MTFP1: variants seen among roughly 807,000 people sequenced by gnomAD.
The protein encoded by MTFP1 is mitochondrial fission process 1.
In MTFP1, 19 loss-of-function variants were observed where a neutral mutation model predicts 17.1. The observed-to-expected ratio is 1.11, with a 90% CI of 0.77 to 1.63. The LOEUF (loss-of-function observed/expected upper bound fraction) is 1.63. Ranked by LOEUF, MTFP1 falls within the 40% of genes most tolerant of loss-of-function variation. MTFP1 has a pLI of 0.00. For synonymous variants in MTFP1, 89 were observed against 95.2 expected, an observed-to-expected ratio of 0.93 and a Z score of 0.38; for missense variants, 221 against 226.2, an observed-to-expected ratio of 0.98 and a Z score of 0.15.
intron 2 of MTFP1, 32 bp from the exon 3 acceptor site, chr22:30,427,139 C>T (rs1295028524): frequency 1.2e-6 from 2 of 1,609,744 alleles, no homozygotes; most frequent in South Asian, 2.2e-5. Context: ...TGCCTCTGCC[C>T]CAGCTGGATT....
intron 3 of MTFP1, among the ~76,000 whole-genome samples, chr22:30,428,223 T>C (rs2146059057): frequency 6.6e-6 from 1 of 152,292 alleles, no homozygotes; most frequent in East Asian, 1.9e-4. Context: ...TGAGCAAGTC[T>C]TTTACCCAGT....
intron 2 of MTFP1, 126 bp from the exon 3 acceptor site, chr22:30,427,045 T>C (rs1391496699): frequency 2.2e-6 from 3 of 1,352,094 alleles, no homozygotes; most frequent in Non-Finnish European, 3.2e-6. Flanking sequence ...TGTGGCAGAC[T>C]GTACCCCACT....
intron 2 of MTFP1, 114 bp from the exon 3 acceptor site, chr22:30,427,057 C>G (rs980208990): frequency 1.2e-5 from 16 of 1,381,912 alleles, no homozygotes; most frequent in Admixed American, 8.4e-5. Flanking sequence ...TACCCCACTC[C>G]TGGGTGCGGA....
Position 30,425,770 on chromosome 22 carries a change from T to G in MTFP1, c.-110T>G. 1 of 1,175,532 alleles carries G rather than the reference T, an allele frequency of 8.5e-7. No homozygotes were observed. Among genetic ancestry groups the G allele is most frequent in the Non-Finnish European group, 1.2e-6 (1 of 868,414 alleles). The allele number at this position is 1,175,532 out of a possible 1,614,324, so 72.8% of individuals were successfully genotyped here. ...TGGCGGAGATTTCCTGACCTGTCCT[T>G]CGGCGCGGGACTTTCGGCGGGTCCC... On this transcript the variant is annotated 5_prime_UTR_variant, in exon 1 of 4. Coordinates refer to ENST00000266263, the MANE Select transcript of MTFP1 (RefSeq NM_016498.5).
At chr22:30,427,553 G>A in intron 3 of MTFP1, 150 bp downstream of exon 3, 1 of 814,308 alleles carries the variant, frequency 1.2e-6, no homozygotes, top group South Asian at 1.6e-5. Flanking sequence ...TTGGCTCCTG[G>A]GTTAGAAAGG....
At position 30,427,339 on chromosome 22, in the gene MTFP1, C is replaced by T. The variant is rs533323588; in HGVS notation, c.364C>T (p.Arg122Cys). ...GTATRWPLAV[R>C]KWTTTALGLL... ...TGCCACCCGCTGGCCCCTGGCTGTC[C>T]GCAAGTGGACCACCACCGCGCTTGG... Residue 122 changes from arginine (R) to cysteine (C), a missense_variant, in exon 3 of 4, where the codon CGC becomes TGC. Physicochemically the swap from Arg to Cys is radical, Grantham distance 180. Coordinates refer to ENST00000266263, the MANE Select transcript of MTFP1 (RefSeq NM_016498.5). 1.9e-5 allele frequency: 31 copies of T among 1,614,006 alleles called. No individual in the cohort carries two copies. Among genetic ancestry groups the T allele is most frequent in the Non-Finnish European group, 2.3e-5 (27 of 1,180,046 alleles).
rs757274985 is a variant in MTFP1, at chr22:30,428,721, C to T, written c.*187C>T. 2.6e-6 allele frequency: 4 copies of T among 1,565,096 alleles called. No homozygotes were observed. The highest frequency in any genetic ancestry group is 8.8e-7 in the Non-Finnish European group (1 of 1,136,826). ...GTGGCTGCAGGGAGTCACAGAAGGG[C>T]AGGACCTGAACGCTGTCTGCTTCCC... is the stretch of plus-strand genomic sequence containing the variant. On this transcript the variant is annotated 3_prime_UTR_variant, in exon 4 of 4. Transcript: ENST00000266263.
At position 30,426,782 on chromosome 22, in the gene MTFP1, T is replaced by C. The variant is rs1277831082; in HGVS notation, c.133T>C (p.Tyr45His). The C allele has an allele frequency of 6.2e-7, 1 of 1,614,014 alleles. No individual in the cohort carries two copies. ...LVPAAVVWLS[Y>H]GVASSYVLAD... ...GCCAGCGGCGGTGGTGTGGCTGAGCTATGGCGTGGCCAGCTCCTACGTGCT... is the reference window on the plus strand; with the variant it reads ...GCCAGCGGCGGTGGTGTGGCTGAGCCATGGCGTGGCCAGCTCCTACGTGCT... The change falls in exon 2 of 4, where the codon TAT (tyrosine) becomes CAT (histidine). Residue 45 changes from tyrosine (Y) to histidine (H), a missense_variant. Tyr to His is a moderately conservative substitution (Grantham distance 83). Coordinates refer to ENST00000266263, the MANE Select transcript of MTFP1 (RefSeq NM_016498.5).
chr22:30,427,597 C>G (rs911580160), intron 3 of MTFP1, among the ~76,000 whole-genome samples, 194 bp downstream of exon 3: 3 of 152,146 alleles, frequency 2.0e-5, no homozygotes, highest in Non-Finnish European at 4.4e-5. Context: ...GTATGGCAGG[C>G]ACTTTAGCAA....
chr22:30,426,019 C>T lies in MTFP1; in HGVS notation c.67+73C>T, dbSNP rs1169835814. ...AGAAGCAGGGGTCGCCGGACGCCCG[C>T]CCGGGGCCTGGAGGAGGCGGGATGA... On this transcript the variant is annotated intron_variant, in intron 1 of 3. Coordinates refer to ENST00000266263, the MANE Select transcript of MTFP1 (RefSeq NM_016498.5). 6.7e-6 allele frequency: 9 copies of T among 1,345,454 alleles called. No homozygotes were observed. The African/African-American group carries it at 1.4e-4, about 21-fold the overall frequency. The allele number at this position is 1,345,454 out of a possible 1,614,324, so 83.3% of individuals were successfully genotyped here.
intron 3 of MTFP1, 95 bp downstream of exon 3, chr22:30,427,498 G>A: frequency 1.5e-6 from 2 of 1,341,492 alleles, no homozygotes; most frequent in Non-Finnish European, 2.1e-6. Context: ...TGAAGTGTGG[G>A]GTATGCCCAC....
In MTFP1 at chr22:30,428,790, G is replaced by A. The variant is rs1249422075; in HGVS notation, c.*256G>A. 38 of 961,280 alleles carry A rather than the reference G, an allele frequency of 4.0e-5. No homozygotes were observed. The highest frequency in any genetic ancestry group is 3.8e-4 in the South Asian group (25 of 65,802). 59.5% of individuals were successfully genotyped at this position (961,280 alleles called of 1,614,324 possible). On this transcript the variant is annotated 3_prime_UTR_variant, in exon 4 of 4. Transcript: ENST00000266263. ...GTGGAAGTGGACCCTGGGTGGGCCC[G>A]GCCCTGTCTTTTTCAGGAAAATTAC... is the stretch of plus-strand genomic sequence containing the variant.
In MTFP1 at chr22:30,427,356, C is replaced by T. The variant is rs375879952; in HGVS notation, c.381C>T (p.Thr127=). Residue 127 remains threonine (T), a synonymous_variant, in exon 3 of 4, where the codon ACC becomes ACT. Coordinates refer to ENST00000266263, the MANE Select transcript of MTFP1 (RefSeq NM_016498.5). ...TGGCTGTCCGCAAGTGGACCACCAC[C>T]GCGCTTGGGCTGTTGACCATCCCCA... ...WPLAVRKWTT[T]ALGLLTIPII... 5.9e-5 allele frequency: 96 copies of T among 1,614,058 alleles called. No individual in the cohort carries two copies. Among genetic ancestry groups the T allele is most frequent in the Middle Eastern group, 1.6e-4 (1 of 6,080 alleles).
rs752139114 is a variant in MTFP1 at position 30,428,448 on chromosome 22, T to C, written c.429-14T>C. ...CCCTTGGTCACCTGCTCACCACCCTTCCACTCCCTACAGGTCGGTGGATTT... is the reference window on the plus strand; with the variant it reads ...CCCTTGGTCACCTGCTCACCACCCTCCCACTCCCTACAGGTCGGTGGATTT... On this transcript the variant is annotated splice_polypyrimidine_tract_variant and intron_variant, in intron 3 of 3. Transcript: ENST00000266263. The C allele has an allele frequency of 6.2e-7, 1 of 1,612,850 alleles. No homozygotes were observed. The highest frequency in any genetic ancestry group is 1.7e-5 in the Admixed American group (1 of 59,996).
chr22:30,425,972 G>T, intron 1 of MTFP1, 26 bp downstream of exon 1: 1 of 1,492,990 alleles, frequency 6.7e-7, no homozygotes, highest in African/African-American at 1.4e-5. Context: ...CGGGCGCGGC[G>T]ACCCCACCAC....
rs180853458 is a variant in MTFP1, at chr22:30,426,180, G to A, written c.67+234G>A. 3.6e-4 allele frequency among the ~76,000 whole-genome samples: 55 copies of A among 152,288 alleles called. No homozygotes were observed. In the East Asian group the frequency reaches 9.3e-3, roughly 26 times the overall value. On this transcript the variant is annotated intron_variant, in intron 1 of 3. Transcript: ENST00000266263. ...GTGAGCGGGCTGCCCGCTCTGGCAT[G>A]CGCTCTGGCTGGCTGTGGAGTCGGG...
chr22:30,426,694 G>T, intron 1 of MTFP1, 23 bp from the exon 2 acceptor site: 1 of 1,613,300 alleles, frequency 6.2e-7, no homozygotes, highest in South Asian at 1.1e-5. Flanking sequence ...GCGAGCCTAG[G>T]AATTAAATGT....
Position 30,425,922 on chromosome 22 carries a change from C to T in MTFP1, c.43C>T (p.Arg15Trp). 2.0e-6 allele frequency: 3 copies of T among 1,533,304 alleles called. No homozygotes were observed. In the South Asian group the frequency reaches 3.6e-5, roughly 19 times the overall value. The allele number at this position is 1,533,304 out of a possible 1,614,324, so 95.0% of individuals were successfully genotyped here. ...GCGGGGCGCAGAGCGCGATCTCTACCGGGACACGTGGGTGCGATACCTGGG... is the reference window on the plus strand; with the variant it reads ...GCGGGGCGCAGAGCGCGATCTCTACTGGGACACGTGGGTGCGATACCTGGG... ...QPRGAERDLY[R>W]DTWVRYLGYA... The change falls in exon 1 of 4, where the codon CGG becomes TGG. Residue 15 changes from arginine (R) to tryptophan (W), a missense_variant. By Grantham distance (101) the Arg-to-Trp change is moderately radical. Transcript: ENST00000266263.
rs1031172702 is a variant in MTFP1, at chr22:30,428,948, G to A, written c.*414G>A. The A allele has an allele frequency of 2.1e-6, 1 of 476,038 alleles. No individual in the cohort carries two copies. The highest frequency in any genetic ancestry group is 3.4e-5 in the Admixed American group (1 of 29,684). The allele number at this position is 476,038 out of a possible 1,614,324, so 29.5% of individuals were successfully genotyped here. On this transcript the variant is annotated 3_prime_UTR_variant, in exon 4 of 4. Transcript: ENST00000266263. ...CCCCATGGTGGTATGGCTGAACAAG[G>A]AGCGGCAGACAACTCAGGGAGAAAC... is the stretch of plus-strand genomic sequence containing the variant.
Sources: gnomAD v4.1 joint callset for allele counts (sites outside exome capture counted in the v4.1 genomes callset) on GRCh38, gnomAD v4.1.1 for gene constraint, MANE v1.5 for transcripts, NCBI Gene and HGNC (gene_info 2026-07-23, HGNC 2026-07-21) for gene names.